NOSTRIN: variants seen among roughly 807,000 people sequenced by gnomAD.
NOSTRIN encodes the protein BM247 homolog.
In NOSTRIN, 63 loss-of-function variants were observed where a neutral mutation model predicts 59.0. The ratio of observed to expected loss-of-function variants is 1.07; its 90% CI spans 0.87 to 1.32. NOSTRIN has a LOEUF of 1.32. NOSTRIN is among the 40% of genes most tolerant of loss of function. The pLI, the probability that NOSTRIN is intolerant of heterozygous loss-of-function variation, is 0.00. For missense variants in NOSTRIN, 512 were observed against 473.1 expected, an observed-to-expected ratio of 1.08 and a Z score of -0.76; for synonymous variants, 200 against 165.4, an observed-to-expected ratio of 1.21 and a Z score of -1.61.
At chr2:168,849,918 A>ATTTTGT (rs56323647) in intron 8 of NOSTRIN, among the ~76,000 whole-genome samples, 35,220 of 91,072 alleles carry the variant, frequency 0.39, 5,193 homozygotes, top group Non-Finnish European at 0.45. Context: ...ACATTTTCTC[A>ATTTTGT]TTTTTTTTTT....
intron 2 of NOSTRIN, among the ~76,000 whole-genome samples, chr2:168,821,321 G>A (rs1686723485): frequency 6.6e-6 from 1 of 152,258 alleles, no homozygotes; most frequent in Non-Finnish European, 1.5e-5. Flanking sequence ...CAGAGAGACT[G>A]CATTTAAACA....
chr2:168,813,609 G>C (rs1333594288), intron 2 of NOSTRIN, among the ~76,000 whole-genome samples: 1 of 152,026 alleles, frequency 6.6e-6, no homozygotes, highest in Admixed American at 6.6e-5. Flanking sequence ...ACTTATTCTA[G>C]AGTGACAAAC....
intron 8 of NOSTRIN, among the ~76,000 whole-genome samples, chr2:168,844,970 A>G (rs943088661): frequency 3.9e-5 from 6 of 152,162 alleles, no homozygotes; most frequent in African/African-American, 7.2e-5. Flanking sequence ...CGGAAACCCA[A>G]CGGCTGCATT....
chr2:168,838,573 A>G lies in NOSTRIN; in HGVS notation c.504+4248A>G, dbSNP rs117192494. ...TTCTTGAATATCTTTGCTTTTGTCT[A>G]TCTCCACTGCTGACATCCTCTCTCA... On this transcript the variant is annotated intron_variant, in intron 7 of 15. Coordinates refer to ENST00000317647, the MANE Select transcript of NOSTRIN (RefSeq NM_001039724.4). Among the ~76,000 whole-genome samples, 799 of 151,832 alleles carry G rather than the reference A, an allele frequency of 5.3e-3. 27 individuals carry two copies. In the East Asian group the frequency reaches 0.085, roughly 16 times the overall value.
At chr2:168,828,122 C>A (rs1272448623) in intron 3 of NOSTRIN, 36 bp from the exon 4 acceptor site, 11 of 872,052 alleles carry the variant, frequency 1.3e-5, no homozygotes, top group Non-Finnish European at 2.2e-5. Flanking sequence ...AGGAAAATGA[C>A]ACTCACCTTT....
upstream of NOSTRIN, among the ~76,000 whole-genome samples, chr2:168,794,353 A>ATTTTT (rs61395235): frequency 6.4e-5 from 9 of 141,632 alleles, no homozygotes; most frequent in Non-Finnish European, 1.2e-4. Context: ...AAAAGGGATG[A>ATTTTT]TTTTTTTTTT....
chr2:168,839,141 C>G lies in NOSTRIN; in HGVS notation c.505-3851C>G, dbSNP rs79905909. ...CCTTCCTGACTTGAACCTTGCCAAT[C>G]TCTTCAACATCACCTCTCCCCATTC... On this transcript the variant is annotated intron_variant, in intron 7 of 15. Transcript: ENST00000317647. Among the ~76,000 whole-genome samples the G allele has an allele frequency of 5.2e-3, 793 of 152,254 alleles. 26 individuals carry two copies. The East Asian group carries it at 0.084, about 16-fold the overall frequency.
At chr2:168,848,228 TTG>T (rs767181789) in intron 8 of NOSTRIN, among the ~76,000 whole-genome samples, 4 of 152,238 alleles carry the variant, frequency 2.6e-5, no homozygotes, top group Non-Finnish European at 5.9e-5. Flanking sequence ...AGCAAAACAT[TTG>T]ATAGGCTATT....
chr2:168,799,818 A>G (rs1479327667), upstream of NOSTRIN, among the ~76,000 whole-genome samples: 1 of 152,220 alleles, frequency 6.6e-6, no homozygotes, highest in African/African-American at 2.4e-5. Flanking sequence ...CTAGTCATTC[A>G]AGAACAAATA....
At position 168,789,506 on chromosome 2, in the gene NOSTRIN, A is replaced by G. The variant is rs191553757; in HGVS notation, c.-473+1458A>G. 4.2e-4 allele frequency among the ~76,000 whole-genome samples: 64 copies of G among 152,298 alleles called. No homozygotes were observed. The East Asian group carries it at 9.7e-3, about 23-fold the overall frequency. ...AAGAAGCACCTGCCCCAATAACTCA[A>G]TTAACTCCCACTGGGTCCCTCCCAC... On this transcript the variant is annotated intron_variant, in intron 2 of 20. Coordinates refer to the NOSTRIN transcript ENST00000458381.
exon 1 of NOSTRIN, chr2:168,786,621 A>T (rs1423070903): frequency 6.6e-6 from 1 of 152,174 alleles, no homozygotes; most frequent in African/African-American, 2.4e-5. Flanking sequence ...GAGAAAAGGG[A>T]TGCAAGATCC....
Position 168,865,153 on chromosome 2 carries a change from G to A in NOSTRIN, c.*183G>A. 1.5e-6 allele frequency: 1 copy of A among 652,460 alleles called. No individual in the cohort carries two copies. Among genetic ancestry groups the A allele is most frequent in the Non-Finnish European group, 2.5e-6 (1 of 396,166 alleles). The allele number at this position is 652,460 out of a possible 1,614,324, so 40.4% of individuals were successfully genotyped here. On this transcript the variant is annotated 3_prime_UTR_variant, in exon 16 of 16. Coordinates refer to ENST00000317647, the MANE Select transcript of NOSTRIN (RefSeq NM_001039724.4). ...GAAACAGTCAGAAAAAAGATGGATG[G>A]GTGGAGACAGACAAGGAAGAGGCTC...
upstream of NOSTRIN, chr2:168,801,051 T>G (rs1357814761): frequency 6.6e-6 from 1 of 151,862 alleles, no homozygotes; most frequent in Non-Finnish European, 1.5e-5. Context: ...TACCTAAATT[T>G]CTTTTATTAT....
chr2:168,821,762 CAGCA>C (rs886818537), intron 2 of NOSTRIN, among the ~76,000 whole-genome samples: 1 of 152,194 alleles, frequency 6.6e-6, no homozygotes, highest in African/African-American at 2.4e-5. Context: ...GCAGAGGCCA[CAGCA>C]AGTGCAAAGG....
At chr2:168,797,055 TTTC>T (rs1685496499), upstream of NOSTRIN, among the ~76,000 whole-genome samples, 2 of 147,648 alleles carry the variant, frequency 1.4e-5, no homozygotes, top group African/African-American at 2.5e-5. Context: ...ATACTTTTCT[TTTC>T]TTTCTTTCTT....
At position 168,865,379 on chromosome 2, in the gene NOSTRIN, G is replaced by GTCA. The variant is rs1326983547; in HGVS notation, c.*409_*410insTCA. 1 of 161,288 alleles carries GTCA rather than the reference G, an allele frequency of 6.2e-6. No individual in the cohort carries two copies. Among genetic ancestry groups the GTCA allele is most frequent in the African/African-American group, 2.4e-5 (1 of 41,546 alleles). The allele number at this position is 161,288 out of a possible 1,614,324, so 10.0% of individuals were successfully genotyped here. A position where few individuals can be genotyped will look rare whatever the true frequency, so the allele number is the denominator to read the frequency against. Reference sequence around the variant, plus strand: ...TGGCAACAGAACACAGCAGGCCTATGAGGGGGTCAAGCAGAGCCTGGGAGA... The same window carrying GTCA: ...TGGCAACAGAACACAGCAGGCCTATGTCAAGGGGGTCAAGCAGAGCCTGGGAGA... On this transcript the variant is annotated 3_prime_UTR_variant, in exon 16 of 16. Coordinates refer to ENST00000317647, the MANE Select transcript of NOSTRIN (RefSeq NM_001039724.4).
At chr2:168,851,533 A>G in intron 10 of NOSTRIN, 129 bp downstream of exon 10, 1 of 1,359,908 alleles carries the variant, frequency 7.4e-7, no homozygotes, top group East Asian at 2.6e-5. Flanking sequence ...CCCCATATAA[A>G]TTTAAAAAAC....
chr2:168,801,131 G>A (rs1349998701), upstream of NOSTRIN: 1 of 151,962 alleles, frequency 6.6e-6, no homozygotes, highest in East Asian at 1.9e-4. Flanking sequence ...CAGTGATCAA[G>A]TTCTTTGGAT....
In NOSTRIN at chr2:168,834,503, G is replaced by GCA. The variant is rs1355060150; in HGVS notation, c.504+179_504+180insAC. On this transcript the variant is annotated intron_variant, in intron 7 of 15. Transcript: ENST00000317647. Reference sequence around the variant, plus strand: ...TCATTACTGGCGTGCGCGCGCGCGCGCGCGCACACACACACACACACACAC... The same window carrying GCA: ...TCATTACTGGCGTGCGCGCGCGCGCGCACGCGCACACACACACACACACACAC... Among the ~76,000 whole-genome samples the GCA allele has an allele frequency of 9.0e-4, 108 of 119,836 alleles. 2 individuals are homozygous for GCA. The highest frequency in any genetic ancestry group is 2.9e-3 in the African/African-American group (100 of 34,572). 78.6% of individuals were successfully genotyped at this position (119,836 alleles called of 152,430 possible). A position where few individuals can be genotyped will look rare whatever the true frequency, so the allele number is the denominator to read the frequency against.
Sources: gnomAD v4.1 joint callset for allele counts (sites outside exome capture counted in the v4.1 genomes callset) on GRCh38, gnomAD v4.1.1 for gene constraint, MANE v1.5 for transcripts, NCBI Gene and HGNC (gene_info 2026-07-23, HGNC 2026-07-21) for gene names.